The following CST2 variants were observed in gnomAD, a reference collection of about 807,000 sequenced individuals.
CST2 encodes cystatin SA.
CST2 carries 26 observed loss-of-function variants against 13.4 expected under a neutral mutation model. The observed-to-expected ratio is 1.95, with a 90% CI of 1.43 to 2.70. CST2 has a LOEUF of 2.70. Among genes scored for constraint, CST2 ranks in the 30% most tolerant of loss-of-function variants. The probability of loss-of-function intolerance (pLI) is 0.00; values close to 1 mark genes in which losing one functional copy is unlikely to be tolerated. For missense variants in CST2, 243 were observed against 173.4 expected (o/e 1.40, Z -2.25); for synonymous variants, 105 against 71.1 (o/e 1.48, Z -2.40).
chr20:23,824,135 G>A, intron 2 of CST2, 32 bp from the exon 3 acceptor site: 1 of 1,608,260 alleles, frequency 6.2e-7, no homozygotes, highest in South Asian at 1.1e-5. Context: ...GCCAATCAGT[G>A]TGAGTTACAG....
At chr20:23,824,204 G>T in intron 2 of CST2, 101 bp from the exon 3 acceptor site, 1 of 1,210,232 alleles carries the variant, frequency 8.3e-7, no homozygotes, top group Non-Finnish European at 1.2e-6. Context: ...GGATGGAGGT[G>T]AGACACTGGG....
chr20:23,826,272 T>A (rs574701447), intron 1 of CST2, among the ~76,000 whole-genome samples, 161 bp downstream of exon 1: 6 of 152,294 alleles, frequency 3.9e-5, no homozygotes, highest in Non-Finnish European at 7.4e-5. Context: ...CCCGGGAGCA[T>A]GCTTAGGCAT....
rs1201847056 is a variant in CST2 at position 23,823,984 on chromosome 20, T to A, written c.*36A>T. 2.5e-6 allele frequency: 4 copies of A among 1,607,346 alleles called. No homozygotes were observed. Among genetic ancestry groups the A allele is most frequent in the South Asian group, 2.2e-5 (2 of 90,798 alleles). ...GTGGGAGCACTACAAGGGGTGGGAG[T>A]AGGAGGTGGTCAGTGTGACTCCCTG... is the stretch of plus-strand genomic sequence containing the variant. On this transcript the variant is annotated 3_prime_UTR_variant, in exon 3 of 3. Coordinates refer to ENST00000304725, the MANE Select transcript of CST2 (RefSeq NM_001322.3).
chr20:23,825,113 C>T, intron 2 of CST2, 97 bp downstream of exon 2: 3 of 1,507,798 alleles, frequency 2.0e-6, no homozygotes, highest in Non-Finnish European at 2.8e-6. Flanking sequence ...TACCCACCTG[C>T]ACACACACAC....
In CST2 at chr20:23,824,042, T is replaced by A; in HGVS notation, c.404A>T (p.Asn135Ile). 1 of 1,614,070 alleles carries A rather than the reference T, an allele frequency of 6.2e-7. No homozygotes were observed. The highest frequency in any genetic ancestry group is 8.5e-7 in the Non-Finnish European group (1 of 1,179,940). The change falls in exon 3 of 3, where the codon AAT (asparagine) becomes ATT (isoleucine). Residue 135 changes from asparagine to isoleucine, a missense_variant. Coordinates refer to ENST00000304725, the MANE Select transcript of CST2 (RefSeq NM_001322.3). ...TCCCTAGGCTTCTTGACACCTGGAA[T>A]TCACCAGGGACATTCTGTCCTCCCA... Reference protein sequence around the residue: ...VPWEDRMSLVNSRCQEA With the variant: ...VPWEDRMSLVISRCQEA
At chr20:23,824,717 G>T (rs751133928) in intron 2 of CST2, among the ~76,000 whole-genome samples, 7 of 152,080 alleles carry the variant, frequency 4.6e-5, no homozygotes, top group African/African-American at 7.2e-5. Context: ...ATTAGACAGA[G>T]CCCCTTCTCC....
In CST2 at chr20:23,825,275, T is replaced by C. The variant is rs991743421; in HGVS notation, c.277A>G (p.Ile93Val). 1 of 1,613,950 alleles carries C rather than the reference T, an allele frequency of 6.2e-7. No homozygotes were observed. ...YFFDIEVGRT[I>V]CTKSQPNLDT... ...AAGTTGGGCTGGGACTTGGTACATATGGTTCGGCCCACCTCTATGTCGAAG... is the reference window on the plus strand; with the variant it reads ...AAGTTGGGCTGGGACTTGGTACATACGGTTCGGCCCACCTCTATGTCGAAG... The change falls in exon 2 of 3, where the codon ATA becomes GTA. Residue 93 changes from isoleucine (I) to valine (V), a missense_variant. Ile to Val is a conservative substitution (Grantham distance 29, BLOSUM62 3). Transcript: ENST00000304725.
chr20:23,823,928 C>T lies in CST2; in HGVS notation c.*92G>A. 7.9e-7 allele frequency: 1 copy of T among 1,271,402 alleles called. No homozygotes were observed. The highest frequency in any genetic ancestry group is 1.1e-6 in the Non-Finnish European group (1 of 915,906). 78.8% of individuals were successfully genotyped at this position (1,271,402 alleles called of 1,614,324 possible). ...TCCTGCTGCAGGTGCATGGGGAGACCTCCCACAGGGTGGGGGCCACCAGTC... is the reference window on the plus strand; with the variant it reads ...TCCTGCTGCAGGTGCATGGGGAGACTTCCCACAGGGTGGGGGCCACCAGTC... On this transcript the variant is annotated 3_prime_UTR_variant, in exon 3 of 3. Coordinates refer to ENST00000304725, the MANE Select transcript of CST2 (RefSeq NM_001322.3).
At chr20:23,826,399 G>A (rs779275485) in intron 1 of CST2, 34 bp downstream of exon 1, 35 of 1,583,450 alleles carry the variant, frequency 2.2e-5, no homozygotes, top group Non-Finnish European at 2.8e-5. Flanking sequence ...ACAAGGCTGG[G>A]ACTCAGGACC....
chr20:23,826,445 T>C lies in CST2; in HGVS notation c.216A>G (p.Arg72=), dbSNP rs1384050272. 4.3e-6 allele frequency: 7 copies of C among 1,614,114 alleles called. No homozygotes were observed. The highest frequency in any genetic ancestry group is 5.1e-6 in the Non-Finnish European group (6 of 1,179,972). The change falls in exon 1 of 3, where the codon CGA becomes CGG. Residue 72 remains arginine (R), a synonymous_variant. Coordinates refer to ENST00000304725, the MANE Select transcript of CST2 (RefSeq NM_001322.3). ...EYYRRLLRVL[R]AREQIVGGVN... Reference sequence around the variant, plus strand: ...AGGCAGCACCCACCTGCTCCCTGGCTCGTAGCACCCGCAGCAGGCGTCTGT... The same window carrying C: ...AGGCAGCACCCACCTGCTCCCTGGCCCGTAGCACCCGCAGCAGGCGTCTGT...
intron 2 of CST2, among the ~76,000 whole-genome samples, chr20:23,824,604 T>C (rs1600436477): frequency 6.6e-6 from 1 of 152,246 alleles, no homozygotes; most frequent in South Asian, 2.1e-4. Context: ...GAGGCTGGTG[T>C]TGGGTGAGCC....
Position 23,823,953 on chromosome 20 carries a change from C to G in CST2, c.*67G>C. The G allele has an allele frequency of 6.4e-7, 1 of 1,567,346 alleles. No homozygotes were observed. On this transcript the variant is annotated 3_prime_UTR_variant, in exon 3 of 3. Coordinates refer to ENST00000304725, the MANE Select transcript of CST2 (RefSeq NM_001322.3). ...CTCCCACAGGGTGGGGGCCACCAGTCCAGGGGTGGGAGCACTACAAGGGGT... is the reference window on the plus strand; with the variant it reads ...CTCCCACAGGGTGGGGGCCACCAGTGCAGGGGTGGGAGCACTACAAGGGGT...
intron 2 of CST2, among the ~76,000 whole-genome samples, chr20:23,824,445 G>A (rs960005332): frequency 1.3e-5 from 2 of 152,106 alleles, no homozygotes; most frequent in African/African-American, 4.8e-5. Flanking sequence ...TCCACCTCCA[G>A]CACTCAGGCC....
chr20:23,824,743 C>T (rs1461266921), intron 2 of CST2, among the ~76,000 whole-genome samples: 1 of 152,076 alleles, frequency 6.6e-6, no homozygotes, highest in Non-Finnish European at 1.5e-5. Context: ...CAGCACACAG[C>T]CCCACAGCTG....
chr20:23,823,856 A>G lies in CST2; in HGVS notation c.*164T>C. 1.5e-6 allele frequency: 1 copy of G among 667,188 alleles called. No individual in the cohort carries two copies. The highest frequency in any genetic ancestry group is 1.9e-5 in the South Asian group (1 of 51,762). 41.3% of individuals were successfully genotyped at this position (667,188 alleles called of 1,614,324 possible). A position where few individuals can be genotyped will look rare whatever the true frequency, so the allele number is the denominator to read the frequency against. ...AAGCAAAAGGAAGGAGGGAGGGCAG[A>G]GTCCCCTGCTGAGCAACAAAGGCCT... On this transcript the variant is annotated 3_prime_UTR_variant, in exon 3 of 3. Transcript: ENST00000304725.
At position 23,825,339 on chromosome 20, in the gene CST2, AACAGGATGCACGG is replaced by A. The variant is rs761446680; in HGVS notation, c.229-29_229-17del. The A allele has an allele frequency of 6.2e-7, 1 of 1,613,704 alleles. No homozygotes were observed. Among genetic ancestry groups the A allele is most frequent in the African/African-American group, 1.3e-5 (1 of 75,046 alleles). On this transcript the variant is annotated splice_polypyrimidine_tract_variant and intron_variant, in intron 1 of 2. Transcript: ENST00000304725. ...CGCCCACGATCTACACACATGAGAA[AACAGGATGCACGG>A]ACAGCGCCCCCATCAGTTCATGCAC...
chr20:23,825,362 C>T (rs1984801371), intron 1 of CST2, 39 bp from the exon 2 acceptor site: 1 of 1,606,458 alleles, frequency 6.2e-7, no homozygotes, highest in Non-Finnish European at 8.5e-7. Context: ...GACAGCGCCC[C>T]CATCAGTTCA....
At chr20:23,826,133 C>G (rs1984828183) in intron 1 of CST2, among the ~76,000 whole-genome samples, 1 of 152,192 alleles carries the variant, frequency 6.6e-6, no homozygotes. Flanking sequence ...AAGTAGGGCT[C>G]TGCAGAACAG....
intron 2 of CST2, 83 bp downstream of exon 2, chr20:23,825,127 C>G (rs1214871631): frequency 3.3e-5 from 52 of 1,567,466 alleles, no homozygotes; most frequent in Non-Finnish European, 1.8e-5. Context: ...CACACACCCT[C>G]CAAACATGTG....
Sources: allele counts gnomAD v4.1 joint callset (sites outside exome capture counted in the v4.1 genomes callset), GRCh38; gene constraint gnomAD v4.1.1; transcripts MANE v1.5; gene names NCBI Gene and HGNC (gene_info 2026-07-23, HGNC 2026-07-21).